The following NEK7 variants were observed in gnomAD, a reference collection of about 807,000 sequenced individuals.
NEK7 encodes the protein serine/threonine-protein kinase Nek7.
Under a neutral mutation model 44.6 loss-of-function variants are expected in NEK7, and 18 were observed. The ratio of observed to expected loss-of-function variants is 0.40; its 90% CI spans 0.28 to 0.60. The LOEUF is 0.60. NEK7 is among the 20% of genes least tolerant of loss of function. The pLI, the probability that NEK7 is intolerant of heterozygous loss-of-function variation, is 0.38. For missense variants in NEK7, 256 were observed against 366.5 expected, an observed-to-expected ratio of 0.70 and a Z score of 2.46; for synonymous variants, 130 against 121.1, an observed-to-expected ratio of 1.07 and a Z score of -0.48.
intron 1 of NEK7, chr1:198,221,141 A>T (rs149399805): frequency 6.6e-6 from 1 of 152,224 alleles, no homozygotes; most frequent in East Asian, 1.9e-4. Context: ...TTAAGATTTC[A>T]TACTGTGTCA....
At chr1:198,264,744 C>G (rs1308185713) in intron 5 of NEK7, among the ~76,000 whole-genome samples, 1 of 151,912 alleles carries the variant, frequency 6.6e-6, no homozygotes, top group Non-Finnish European at 1.5e-5. Context: ...GTTTAACCTT[C>G]TTTTCTAAGG....
At chr1:198,258,206 T>C (rs1653339869) in intron 3 of NEK7, among the ~76,000 whole-genome samples, 1 of 152,130 alleles carries the variant, frequency 6.6e-6, no homozygotes, top group Non-Finnish European at 1.5e-5. Flanking sequence ...TTTGGGAGGC[T>C]GAGGCGGGCA....
intron 1 of NEK7, among the ~76,000 whole-genome samples, chr1:198,223,494 T>A (rs1666126686): frequency 6.6e-6 from 1 of 152,178 alleles, no homozygotes; most frequent in African/African-American, 2.4e-5. Context: ...GGAAGTATGC[T>A]TAAAGTTCTA....
At chr1:198,231,333 AT>A (rs1666392060) in intron 1 of NEK7, among the ~76,000 whole-genome samples, 7 of 141,742 alleles carry the variant, frequency 4.9e-5, no homozygotes, top group Non-Finnish European at 7.6e-5. Context: ...ATATATATAT[AT>A]ATAAAAACAC....
intron 1 of NEK7, among the ~76,000 whole-genome samples, chr1:198,216,605 A>G (rs1020972994): frequency 2.0e-5 from 3 of 151,814 alleles, no homozygotes; most frequent in Non-Finnish European, 2.9e-5. Flanking sequence ...TGAAATTAGA[A>G]CAAACAAACA....
At chr1:198,188,905 G>A (rs1558048119) in intron 1 of NEK7, among the ~76,000 whole-genome samples, 2 of 152,230 alleles carry the variant, frequency 1.3e-5, no homozygotes, top group East Asian at 1.9e-4. Context: ...TAAGTGGCAC[G>A]TGGCAGATTA....
intron 1 of NEK7, among the ~76,000 whole-genome samples, chr1:198,230,938 G>C (rs553139190): frequency 7.9e-5 from 12 of 151,952 alleles, no homozygotes; most frequent in Admixed American, 6.6e-4. Context: ...CTGTGTTCAT[G>C]GGTTTGAAGA....
chr1:198,287,933 G>A (rs968898248), intron 7 of NEK7, among the ~76,000 whole-genome samples: 1 of 152,176 alleles, frequency 6.6e-6, no homozygotes, highest in Admixed American at 6.5e-5. Flanking sequence ...ATTCAAGCTC[G>A]ATATCAGAAT....
rs556231956 is a variant in NEK7 at position 198,204,612 on chromosome 1, G to A, written c.-28-27941G>A. Among the ~76,000 whole-genome samples, 14 of 151,738 alleles carry A rather than the reference G, an allele frequency of 9.2e-5. No homozygotes were observed. In the South Asian group the frequency reaches 2.7e-3, roughly 29 times the overall value. On this transcript the variant is annotated intron_variant, in intron 1 of 9. Coordinates refer to ENST00000367385, the MANE Select transcript of NEK7 (RefSeq NM_133494.3). Reference sequence around the variant, plus strand: ...TGGGCGCCTGTAGTCCCAGCTACTCGGGAGGCTGAGGCAGGAGAATGGCAT... The same window carrying A: ...TGGGCGCCTGTAGTCCCAGCTACTCAGGAGGCTGAGGCAGGAGAATGGCAT...
chr1:198,288,441 A>G (rs1256269316), intron 7 of NEK7, among the ~76,000 whole-genome samples: 2 of 152,138 alleles, frequency 1.3e-5, no homozygotes, highest in Non-Finnish European at 2.9e-5. Context: ...CTTTTAGAAG[A>G]TTTCTCTGCT....
chr1:198,241,694 C>T (rs1666689080), intron 2 of NEK7, among the ~76,000 whole-genome samples: 1 of 152,102 alleles, frequency 6.6e-6, no homozygotes, highest in South Asian at 2.1e-4. Flanking sequence ...AGTTCTTAGT[C>T]CCTCACTTCC....
intron 1 of NEK7, among the ~76,000 whole-genome samples, chr1:198,171,318 G>C (rs1664432854): frequency 6.6e-6 from 1 of 151,884 alleles, no homozygotes; most frequent in African/African-American, 2.4e-5. Flanking sequence ...GTTCTAACTA[G>C]GTTTTTTCCT....
Position 198,319,699 on chromosome 1 carries a change from AC to A in NEK7, c.*182del, listed in dbSNP as rs1655482951. Reference sequence around the variant, plus strand: ...CAGTCACCTAAATCACCTCCTTGCAACCCCCAAATGACTTTGGAATAACTGA... The same window carrying A: ...CAGTCACCTAAATCACCTCCTTGCAACCCCAAATGACTTTGGAATAACTGA... On this transcript the variant is annotated 3_prime_UTR_variant, in exon 10 of 10. Coordinates refer to ENST00000367385, the MANE Select transcript of NEK7 (RefSeq NM_133494.3). The A allele has an allele frequency of 3.5e-6, 2 of 575,498 alleles. No homozygotes were observed. The highest frequency in any genetic ancestry group is 5.3e-6 in the Non-Finnish European group (2 of 375,446). The allele number at this position is 575,498 out of a possible 1,614,324, so 35.6% of individuals were successfully genotyped here. A position where few individuals can be genotyped will look rare whatever the true frequency, so the allele number is the denominator to read the frequency against.
chr1:198,289,611 C>T (rs1654483388), intron 7 of NEK7, among the ~76,000 whole-genome samples: 2 of 152,158 alleles, frequency 1.3e-5, no homozygotes, highest in South Asian at 4.1e-4. Context: ...CACAAAAAAG[C>T]AATCCAAAGC....
chr1:198,223,419 AAG>A (rs1666124770), intron 1 of NEK7, among the ~76,000 whole-genome samples: 1 of 152,140 alleles, frequency 6.6e-6, no homozygotes, highest in Non-Finnish European at 1.5e-5. Context: ...GAAGTGGTAA[AAG>A]AGTATTATTC....
At chr1:198,197,634 C>G (rs1398626068) in intron 1 of NEK7, 1 of 279,430 alleles carries the variant, frequency 3.6e-6, no homozygotes, top group Non-Finnish European at 6.8e-6. Context: ...TCCCTAGCCA[C>G]TCAGGGCTGA....
At chr1:198,307,547 A>C (rs1471910852) in intron 9 of NEK7, among the ~76,000 whole-genome samples, 2 of 152,150 alleles carry the variant, frequency 1.3e-5, no homozygotes, top group Non-Finnish European at 2.9e-5. Context: ...GACCCACTAC[A>C]CGGCACACTA....
chr1:198,279,213 G>A, intron 7 of NEK7, 152 bp downstream of exon 7: 1 of 471,626 alleles, frequency 2.1e-6, no homozygotes, highest in Non-Finnish European at 3.7e-6. Context: ...CTCTCTATTA[G>A]GTATAAGGTT....
At chr1:198,162,364 G>A (rs1442610766) in intron 1 of NEK7, among the ~76,000 whole-genome samples, 3 of 152,090 alleles carry the variant, frequency 2.0e-5, no homozygotes, top group African/African-American at 7.2e-5. Flanking sequence ...TGACCCTGCT[G>A]CACATATATT....
Sources: gnomAD v4.1 joint callset for allele counts (sites outside exome capture counted in the v4.1 genomes callset) on GRCh38, gnomAD v4.1.1 for gene constraint, MANE v1.5 for transcripts, NCBI Gene and HGNC (gene_info 2026-07-23, HGNC 2026-07-21) for gene names.